SARDH: variants seen among roughly 807,000 people sequenced by gnomAD.
SARDH encodes sarcosine dehydrogenase.
In SARDH, 95 loss-of-function variants were observed where a neutral mutation model predicts 109.1. That is an observed-to-expected ratio of 0.87 (90% CI 0.74 to 1.03). SARDH has a LOEUF of 1.03. Ranked by LOEUF, SARDH falls within the 50% of genes least tolerant of loss-of-function variation. SARDH has a pLI of 0.00. For synonymous variants in SARDH, 572 were observed against 534.8 expected, an observed-to-expected ratio of 1.07 and a Z score of -0.96; for missense variants, 1,267 against 1,287.8, an observed-to-expected ratio of 0.98 and a Z score of 0.25.
chr9:133,714,170 T>TG (rs1256014443), intron 8 of SARDH, among the ~76,000 whole-genome samples: 4 of 151,902 alleles, frequency 2.6e-5, no homozygotes, highest in East Asian at 1.9e-4. Flanking sequence ...GCTCCAAGTC[T>TG]GGGGGGTCAT....
At chr9:133,727,983 A>C (rs1052327888) in intron 6 of SARDH, among the ~76,000 whole-genome samples, 5 of 152,182 alleles carry the variant, frequency 3.3e-5, no homozygotes, top group Admixed American at 6.5e-5. Flanking sequence ...GCCCTCCCAG[A>C]ACCCACTGAG....
intron 16 of SARDH, among the ~76,000 whole-genome samples, chr9:133,687,122 G>A (rs1830913031): frequency 6.6e-6 from 1 of 152,164 alleles, no homozygotes; most frequent in Non-Finnish European, 1.5e-5. Flanking sequence ...CCAAGCCCCA[G>A]TCCCTCATCT....
At chr9:133,715,292 G>A (rs544033897) in intron 8 of SARDH, among the ~76,000 whole-genome samples, 53 of 152,324 alleles carry the variant, frequency 3.5e-4, no homozygotes, top group Non-Finnish European at 5.6e-4. Flanking sequence ...TTCGTGGGGA[G>A]TACCGGCTCC....
chr9:133,696,396 G>C (rs1189937213), intron 13 of SARDH, 35 bp from the exon 14 acceptor site: 9 of 1,613,228 alleles, frequency 5.6e-6, no homozygotes, highest in Non-Finnish European at 7.6e-6. Flanking sequence ...ATGCCACGGG[G>C]GCCTTTGGGG....
Position 133,729,946 on chromosome 9 carries a change from A to T in SARDH, c.815-81T>A. On this transcript the variant is annotated intron_variant, in intron 5 of 20. Coordinates refer to ENST00000439388, the MANE Select transcript of SARDH (RefSeq NM_001134707.2). ...TCAGGTGTGCACAGGCTGCCTCTGCAGACCTGTCTGCCCTAGCAGGGGCTC... is the reference window on the plus strand; with the variant it reads ...TCAGGTGTGCACAGGCTGCCTCTGCTGACCTGTCTGCCCTAGCAGGGGCTC... 1.9e-6 allele frequency: 3 copies of T among 1,591,954 alleles called. No individual in the cohort carries two copies. The South Asian group carries it at 3.4e-5, about 18-fold the overall frequency.
At position 133,708,711 on chromosome 9, in the gene SARDH, G is replaced by A. The variant is rs373167352; in HGVS notation, c.1329-283C>T. On this transcript the variant is annotated intron_variant, in intron 10 of 20. Coordinates refer to ENST00000439388, the MANE Select transcript of SARDH (RefSeq NM_001134707.2). ...CACAGGGACATGGGACTCCAGCCTC[G>A]CTCTCCACACATTGCTGTCTGCTGC... 8.4e-4 allele frequency among the ~76,000 whole-genome samples: 128 copies of A among 152,246 alleles called. 2 individuals carry two copies. The Middle Eastern group carries it at 0.014, about 16-fold the overall frequency.
At chr9:133,672,955 C>T (rs1391761641) in intron 17 of SARDH, among the ~76,000 whole-genome samples, 1 of 152,198 alleles carries the variant, frequency 6.6e-6, no homozygotes, top group Non-Finnish European at 1.5e-5. Context: ...GTGACAGTGC[C>T]GATTATCGGG....
rs749861990 is a variant in SARDH, at chr9:133,663,979, G to A, written c.2667C>T (p.Ala889=). ...CATAGGTCACCCCCATTCTCTCCAG[G>A]GCATAGTCCCCGCTCTTCACAAAGT... ...SLDFVKSGDY[A]LERMGVTYGA... is the part of the protein sequence containing the mutation. The change falls in exon 21 of 21, where the codon GCC becomes GCT. Residue 889 remains alanine (A), a synonymous_variant. Transcript: ENST00000439388. The A allele has an allele frequency of 1.2e-6, 2 of 1,614,136 alleles. No homozygotes were observed. The highest frequency in any genetic ancestry group is 3.3e-5 in the Admixed American group (2 of 60,022).
chr9:133,701,469 G>A (rs1210231842), intron 13 of SARDH, among the ~76,000 whole-genome samples: 1 of 152,256 alleles, frequency 6.6e-6, no homozygotes, highest in African/African-American at 2.4e-5. Flanking sequence ...GGCTCCTCTA[G>A]CAGGCCGGGG....
At chr9:133,702,668 C>T (rs921335119) in intron 13 of SARDH, among the ~76,000 whole-genome samples, 1 of 152,246 alleles carries the variant, frequency 6.6e-6, no homozygotes, top group Non-Finnish European at 1.5e-5. Context: ...CACCTCACCC[C>T]ATCCCCAGCA....
Position 133,663,804 on chromosome 9 carries a change from TG to T in SARDH, c.*84del. The T allele has an allele frequency of 6.4e-7, 1 of 1,565,604 alleles. No individual in the cohort carries two copies. On this transcript the variant is annotated 3_prime_UTR_variant, in exon 21 of 21. Coordinates refer to ENST00000439388, the MANE Select transcript of SARDH (RefSeq NM_001134707.2). ...GGACAGGGAGGGCACAAGTTCTGGC[TG>T]GGTCCAGGGTCCTGGGACCCAGGGC...
At chr9:133,732,389 C>T in intron 3 of SARDH, 34 bp downstream of exon 3, 1 of 1,225,012 alleles carries the variant, frequency 8.2e-7, no homozygotes, top group Non-Finnish European at 1.2e-6. Flanking sequence ...CCCACCCAAG[C>T]CCCCCTCCTT....
In SARDH at chr9:133,674,045, T is replaced by C. The variant is rs569215792; in HGVS notation, c.2164-2348A>G. On this transcript the variant is annotated intron_variant, in intron 17 of 20. Coordinates refer to ENST00000439388, the MANE Select transcript of SARDH (RefSeq NM_001134707.2). ...CAAAACGGGGGCCACACCTGCTTCC[T>C]GCCAAAGAGAGGGAGGCTGGGGAAA... Among the ~76,000 whole-genome samples, 47 of 152,330 alleles carry C rather than the reference T, an allele frequency of 3.1e-4. No individual in the cohort carries two copies. The South Asian group carries it at 7.0e-3, about 23-fold the overall frequency.
At chr9:133,720,038 A>G (rs1194377758) in intron 6 of SARDH, among the ~76,000 whole-genome samples, 2 of 151,720 alleles carry the variant, frequency 1.3e-5, no homozygotes, top group Non-Finnish European at 2.9e-5. Context: ...TGAACCCAGA[A>G]CGTGGTGCTT....
chr9:133,700,552 T>G (rs1357504358), intron 13 of SARDH, among the ~76,000 whole-genome samples: 1 of 151,940 alleles, frequency 6.6e-6, no homozygotes, highest in Non-Finnish European at 1.5e-5. Flanking sequence ...GGGGATAGGG[T>G]GAGGTGTGGG....
intron 6 of SARDH, among the ~76,000 whole-genome samples, chr9:133,722,899 T>A (rs1239425955): frequency 6.6e-6 from 1 of 152,150 alleles, no homozygotes; most frequent in African/African-American, 2.4e-5. Flanking sequence ...CCTCAAGCAA[T>A]CCACCCACCT....
upstream of SARDH, among the ~76,000 whole-genome samples, chr9:133,738,735 A>C (rs1329948436): frequency 1.3e-5 from 2 of 152,138 alleles, no homozygotes; most frequent in African/African-American, 4.8e-5. Flanking sequence ...GGGCCCGTCC[A>C]CTGCAGGGAG....
At chr9:133,659,655 T>C (rs3025432), downstream of SARDH, among the ~76,000 whole-genome samples, 7 of 152,042 alleles carry the variant, frequency 4.6e-5, no homozygotes, top group African/African-American at 7.3e-5. Flanking sequence ...GGCTGCTGCT[T>C]CTGCAAGGCA....
intron 13 of SARDH, among the ~76,000 whole-genome samples, 183 bp downstream of exon 13, chr9:133,702,733 G>A (rs899682693): frequency 1.4e-4 from 22 of 152,166 alleles, no homozygotes; most frequent in Admixed American, 1.1e-3. Flanking sequence ...AGAGGGAGGA[G>A]GGGGAGAGGA....
Sources: gnomAD v4.1 joint callset for allele counts (sites outside exome capture counted in the v4.1 genomes callset) on GRCh38, gnomAD v4.1.1 for gene constraint, MANE v1.5 for transcripts, NCBI Gene and HGNC (gene_info 2026-07-23, HGNC 2026-07-21) for gene names.